ABCC2: variants seen among roughly 807,000 people sequenced by gnomAD.
The protein encoded by ABCC2 is ATP-binding cassette sub-family C member 2.
In ABCC2, 157 loss-of-function variants were observed where a neutral mutation model predicts 173.4. The observed-to-expected ratio is 0.91, with a 90% CI of 0.80 to 1.03. The LOEUF (loss-of-function observed/expected upper bound fraction) is 1.03. ABCC2 is among the 50% of genes least tolerant of loss of function. ABCC2 has a pLI of 0.00. For missense variants in ABCC2, 1,822 were observed against 1,852.3 expected, an observed-to-expected ratio of 0.98 and a Z score of 0.30; for synonymous variants, 657 against 693.5, an observed-to-expected ratio of 0.95 and a Z score of 0.83.
chr10:99,840,637 G>GAGT, intron 25 of ABCC2, among the ~76,000 whole-genome samples: 1 of 147,182 alleles, frequency 6.8e-6, no homozygotes, highest in Admixed American at 6.8e-5. Flanking sequence ...TCAGCCTCCT[G>GAGT]AGTAGCTGGG....
intron 15 of ABCC2, among the ~76,000 whole-genome samples, chr10:99,811,903 TG>T (rs2038222702): frequency 6.6e-6 from 1 of 152,196 alleles, no homozygotes; most frequent in African/African-American, 2.4e-5. Context: ...CGTTGGCAGG[TG>T]GCCGGCGTCT....
At chr10:99,818,722 C>A in intron 17 of ABCC2, 68 bp from the exon 18 acceptor site, 1 of 1,581,386 alleles carries the variant, frequency 6.3e-7, no homozygotes, top group Non-Finnish European at 8.7e-7. Flanking sequence ...CCTTTTACCC[C>A]TCCCTATTAG....
chr10:99,844,219 G>A, intron 27 of ABCC2, 103 bp from the exon 28 acceptor site: 2 of 1,430,286 alleles, frequency 1.4e-6, no homozygotes, highest in Admixed American at 3.4e-5. Flanking sequence ...AGGTAGCTGG[G>A]ACACTGCTAC....
Position 99,819,286 on chromosome 10 carries a change from G to A in ABCC2, c.2620+17G>A, listed in dbSNP as rs200135369. The A allele has an allele frequency of 1.2e-6, 2 of 1,611,002 alleles. No individual in the cohort carries two copies. Among genetic ancestry groups the A allele is most frequent in the East Asian group, 4.5e-5 (2 of 44,870 alleles). Reference sequence around the variant, plus strand: ...AAGCCACAGGTATGTAAGAAGGATTGGGACAAGATAGAACTTGGGCCATGG... The same window carrying A: ...AAGCCACAGGTATGTAAGAAGGATTAGGACAAGATAGAACTTGGGCCATGG... On this transcript the variant is annotated intron_variant, in intron 19 of 31. Coordinates refer to ENST00000647814, the MANE Select transcript of ABCC2 (RefSeq NM_000392.5).
intron 24 of ABCC2, among the ~76,000 whole-genome samples, chr10:99,835,700 C>T (rs971821339): frequency 1.3e-5 from 2 of 152,150 alleles, no homozygotes; most frequent in Admixed American, 6.5e-5. Context: ...ACACACCCCA[C>T]GGGCCCCACT....
chr10:99,843,977 TCTC>T (rs2038981134), intron 27 of ABCC2, 77 bp downstream of exon 27: 2 of 1,257,038 alleles, frequency 1.6e-6, no homozygotes, highest in East Asian at 4.6e-5. Context: ...CTTTAGAATT[TCTC>T]CATATTTTAC....
intron 31 of ABCC2, 103 bp downstream of exon 31, chr10:99,850,899 C>A: frequency 7.4e-7 from 1 of 1,350,510 alleles, no homozygotes; most frequent in South Asian, 1.2e-5. Flanking sequence ...TAACCACCAC[C>A]ACATTACTGA....
chr10:99,843,972 G>A (rs1189881342), intron 27 of ABCC2, 72 bp downstream of exon 27: 1 of 1,272,918 alleles, frequency 7.9e-7, no homozygotes, highest in East Asian at 2.3e-5. Context: ...TGCATCTTTA[G>A]AATTTCTCCA....
Position 99,851,964 on chromosome 10 carries a change from T to C in ABCC2, c.*333T>C. On this transcript the variant is annotated 3_prime_UTR_variant, in exon 32 of 32. Coordinates refer to ENST00000647814, the MANE Select transcript of ABCC2 (RefSeq NM_000392.5). ...TCTTTAAACAACATATACCCTTTTT[T>C]ACTTATGTAAATGGACTGACTCATA... 1 of 228,228 alleles carries C rather than the reference T, an allele frequency of 4.4e-6. No individual in the cohort carries two copies. The highest frequency in any genetic ancestry group is 8.6e-6 in the Non-Finnish European group (1 of 116,016). 14.1% of individuals were successfully genotyped at this position (228,228 alleles called of 1,614,324 possible). A position where few individuals can be genotyped will look rare whatever the true frequency, so the allele number is the denominator to read the frequency against.
In ABCC2 at chr10:99,848,211, T is replaced by G. The variant is rs2039045117; in HGVS notation, c.4313+1084T>G. ...GACAGGGAACGTGACATCTGTAAAA[T>G]CCGTAGGCACTGTTGAAACACCTGA... On this transcript the variant is annotated intron_variant, in intron 30 of 31. Transcript: ENST00000647814. Among the ~76,000 whole-genome samples, 3 of 152,204 alleles carry G rather than the reference T, an allele frequency of 2.0e-5. No individual in the cohort carries two copies. In the South Asian group the frequency reaches 6.2e-4, roughly 31 times the overall value.
rs566188954 is a variant in ABCC2 at position 99,800,670 on chromosome 10, C to T, written c.1209+107C>T. Reference sequence around the variant, plus strand: ...ATGGAAATGGTAACTTATCTCAACACTTAATGTTGACTGGCCATACAGCCT... The same window carrying T: ...ATGGAAATGGTAACTTATCTCAACATTTAATGTTGACTGGCCATACAGCCT... On this transcript the variant is annotated intron_variant, in intron 9 of 31. Coordinates refer to ENST00000647814, the MANE Select transcript of ABCC2 (RefSeq NM_000392.5). The T allele has an allele frequency of 4.4e-4, 561 of 1,271,528 alleles. 6 individuals are homozygous for T. The South Asian group carries it at 6.5e-3, about 15-fold the overall frequency. 78.8% of individuals were successfully genotyped at this position (1,271,528 alleles called of 1,614,324 possible).
chr10:99,803,130 G>A (rs927466562), intron 9 of ABCC2, among the ~76,000 whole-genome samples: 11 of 152,184 alleles, frequency 7.2e-5, no homozygotes, highest in East Asian at 1.9e-4. Flanking sequence ...CACCATGCCC[G>A]TCTAATTTGT....
chr10:99,783,071 TTC>T (rs2037642494), intron 1 of ABCC2, among the ~76,000 whole-genome samples, 194 bp downstream of exon 1: 1 of 152,346 alleles, frequency 6.6e-6, no homozygotes, highest in African/African-American at 2.4e-5. Context: ...ATGCAAATTA[TTC>T]TCTGTCATAT....
Position 99,799,334 on chromosome 10 carries a change from A to G in ABCC2, c.995A>G (p.Asn332Ser). 2 of 1,614,180 alleles carry G rather than the reference A, an allele frequency of 1.2e-6. No individual in the cohort carries two copies. The highest frequency in any genetic ancestry group is 2.7e-5 in the African/African-American group (2 of 75,050). Residue 332 changes from asparagine to serine, a missense_variant, in exon 8 of 32, where the codon AAT becomes AGT. Physicochemically the swap from Asn to Ser is conservative, Grantham distance 46 (BLOSUM62 1). Coordinates refer to ENST00000647814, the MANE Select transcript of ABCC2 (RefSeq NM_000392.5). Reference protein sequence around the residue: ...LLKSFLLKLVNDIFTFVSPQL... With the variant: ...LLKSFLLKLVSDIFTFVSPQL... ...AAATCATTCCTACTGAAGCTAGTGA[A>G]TGACATCTTCACGTTTGTGAGTCCT...
chr10:99,814,725 ATGTGTGTG>A (rs761851347), intron 16 of ABCC2, among the ~76,000 whole-genome samples: 42 of 144,358 alleles, frequency 2.9e-4, no homozygotes, highest in African/African-American at 1.0e-3. Flanking sequence ...ATATACACAT[ATGTGTGTG>A]TATGTGTATA....
In ABCC2 at chr10:99,793,904, A is replaced by T; in HGVS notation, c.481A>T (p.Asn161Tyr). 1.9e-6 allele frequency: 3 copies of T among 1,613,668 alleles called. No homozygotes were observed. The highest frequency in any genetic ancestry group is 2.5e-6 in the Non-Finnish European group (3 of 1,179,628). ...IRTLLQGDNS[N>Y]LAYSCLFFIS... ...TTTTTCCTCATAGGGTGACAATTCT[A>T]ATCTAGCCTACTCCTGCCTGTTCTT... The change falls in exon 5 of 32, where the codon AAT becomes TAT. Residue 161 changes from asparagine to tyrosine, a missense_variant. Physicochemically the swap from Asn to Tyr is moderately radical, Grantham distance 143. Coordinates refer to ENST00000647814, the MANE Select transcript of ABCC2 (RefSeq NM_000392.5).
At chr10:99,794,881 T>A (rs1420907055) in intron 6 of ABCC2, among the ~76,000 whole-genome samples, 2 of 152,170 alleles carry the variant, frequency 1.3e-5, no homozygotes, top group African/African-American at 4.8e-5. Context: ...TGACCTCCAT[T>A]TCTCTTCTAC....
intron 10 of ABCC2, among the ~76,000 whole-genome samples, chr10:99,804,696 C>T (rs1345515980): frequency 2.0e-5 from 3 of 152,170 alleles, no homozygotes; most frequent in Non-Finnish European, 2.9e-5. Context: ...GGTGGGAGGG[C>T]TCCGTGTGGA....
Position 99,840,853 on chromosome 10 carries a change from GA to G in ABCC2, c.3615-1113del, listed in dbSNP as rs538193888. ...CTTTTCCTCCTCCATCTCTGGTCCT[GA>G]CCCCTCATCCTCTTAAGCAACCCTC... On this transcript the variant is annotated intron_variant, in intron 25 of 31. Transcript: ENST00000647814. 1.6e-3 allele frequency among the ~76,000 whole-genome samples: 247 copies of G among 151,984 alleles called. 3 individuals carry two copies. The highest frequency in any genetic ancestry group is 3.0e-3 in the Non-Finnish European group (202 of 67,992).
Sources: gnomAD v4.1 joint callset for allele counts (sites outside exome capture counted in the v4.1 genomes callset) on GRCh38, gnomAD v4.1.1 for gene constraint, MANE v1.5 for transcripts, NCBI Gene and HGNC (gene_info 2026-07-23, HGNC 2026-07-21) for gene names.